Variants in ZFAND3 observed in about 807,000 individuals in gnomAD.
ZFAND3 encodes the protein zinc finger AN1-type containing 3, also known as AN1-type zinc finger protein 3.
In ZFAND3, 10 loss-of-function variants were observed where a neutral mutation model predicts 29.6. That is an observed-to-expected ratio of 0.34 (90% CI 0.21 to 0.57). The LOEUF is 0.57. Ranked by LOEUF, ZFAND3 falls within the 20% of genes least tolerant of loss-of-function variation. ZFAND3 has a pLI of 0.86. For missense variants in ZFAND3, 230 were observed against 304.5 expected, an observed-to-expected ratio of 0.76 and a Z score of 1.82; for synonymous variants, 128 against 112.6, an observed-to-expected ratio of 1.14 and a Z score of -0.87.
intron 4 of ZFAND3, among the ~76,000 whole-genome samples, chr6:38,111,831 G>A (rs1765323545): frequency 6.6e-6 from 1 of 152,026 alleles, no homozygotes; most frequent in Non-Finnish European, 1.5e-5. Context: ...AGGGGTCAGC[G>A]CCCCAAACCC....
At chr6:37,963,146 A>G (rs768205409) in intron 2 of ZFAND3, among the ~76,000 whole-genome samples, 1 of 152,224 alleles carries the variant, frequency 6.6e-6, no homozygotes, top group Non-Finnish European at 1.5e-5. Context: ...TCATTCTTTA[A>G]GTCAGCGAGA....
Position 38,098,058 on chromosome 6 carries a change from A to T in ZFAND3, c.361+15601A>T, listed in dbSNP as rs145102291. Among the ~76,000 whole-genome samples, 59 of 152,270 alleles carry T rather than the reference A, an allele frequency of 3.9e-4. No individual in the cohort carries two copies. The East Asian group carries it at 0.01, about 27-fold the overall frequency. ...CTTTTTTGTTGTATTGCTTTTTTCT[A>T]GCCTGGCCCCACCCCGCTTTTTGAG... is the stretch of plus-strand genomic sequence containing the variant. On this transcript the variant is annotated intron_variant, in intron 4 of 5. Transcript: ENST00000287218.
intron 4 of ZFAND3, among the ~76,000 whole-genome samples, chr6:38,103,492 CACGTGTAT>C (rs1765146085): frequency 1.3e-4 from 1 of 7,824 alleles, no homozygotes; most frequent in African/African-American, 4.9e-4. Context: ...CACATATATA[CACGTGTAT>C]ATATATACAC....
At chr6:38,148,383 G>A (rs527787813) in intron 5 of ZFAND3, among the ~76,000 whole-genome samples, 2 of 152,334 alleles carry the variant, frequency 1.3e-5, no homozygotes, top group African/African-American at 4.8e-5. Flanking sequence ...TAGTTCAGCA[G>A]GTCAGTTCTG....
intron 2 of ZFAND3, among the ~76,000 whole-genome samples, chr6:37,978,670 G>GT (rs1479172144): frequency 6.6e-6 from 1 of 152,140 alleles, no homozygotes; most frequent in Non-Finnish European, 1.5e-5. Context: ...CTTTTAGTGC[G>GT]TTTGTCCATT....
intron 1 of ZFAND3, among the ~76,000 whole-genome samples, chr6:37,863,498 C>G (rs951395883): frequency 6.6e-6 from 1 of 152,106 alleles, no homozygotes; most frequent in African/African-American, 2.4e-5. Context: ...CCTGACTCTT[C>G]AAATGACAAT....
intron 2 of ZFAND3, among the ~76,000 whole-genome samples, chr6:38,042,761 G>A (rs1482247699): frequency 2.0e-5 from 3 of 152,168 alleles, no homozygotes; most frequent in African/African-American, 7.2e-5. Flanking sequence ...CTGAATGGTT[G>A]AACTAGGTTT....
intron 2 of ZFAND3, among the ~76,000 whole-genome samples, chr6:37,951,459 G>A (rs1214245015): frequency 6.6e-6 from 1 of 152,258 alleles, no homozygotes; most frequent in Non-Finnish European, 1.5e-5. Context: ...GCCAGGCATA[G>A]TGGTGGGTGC....
chr6:38,031,509 G>C (rs997741172), intron 2 of ZFAND3, among the ~76,000 whole-genome samples: 2 of 152,102 alleles, frequency 1.3e-5, no homozygotes, highest in African/African-American at 4.8e-5. Flanking sequence ...ATACTTGCAA[G>C]CCTGTCTCAG....
At chr6:38,003,955 C>G (rs1175437504) in intron 2 of ZFAND3, among the ~76,000 whole-genome samples, 3 of 152,090 alleles carry the variant, frequency 2.0e-5, no homozygotes, top group Non-Finnish European at 4.4e-5. Flanking sequence ...TTCTTGATGA[C>G]TCTAATATTG....
At position 38,031,806 on chromosome 6, in the gene ZFAND3, C is replaced by A. The variant is rs940714288; in HGVS notation, c.113-29787C>A. ...CTCCTTTGTTATGCATATGTAGACT[C>A]CAACTTACAGTTTCATATTCTGCCC... On this transcript the variant is annotated intron_variant, in intron 2 of 5. Transcript: ENST00000287218. Among the ~76,000 whole-genome samples, 3 of 152,060 alleles carry A rather than the reference C, an allele frequency of 2.0e-5. No homozygotes were observed. In the East Asian group the frequency reaches 5.8e-4, roughly 29 times the overall value.
intron 1 of ZFAND3, among the ~76,000 whole-genome samples, chr6:37,839,773 A>C (rs767527609): frequency 9.4e-4 from 143 of 152,124 alleles, no homozygotes; most frequent in Admixed American, 1.6e-3. Flanking sequence ...TCCGCCTCCC[A>C]AAGTGCTGGG....
At chr6:37,843,317 C>T (rs1278903007) in intron 1 of ZFAND3, among the ~76,000 whole-genome samples, 3 of 151,486 alleles carry the variant, frequency 2.0e-5, no homozygotes, top group African/African-American at 7.3e-5. Context: ...AACCCCATCT[C>T]TACTAAAAAA....
At chr6:37,983,980 T>C (rs1241184023) in intron 2 of ZFAND3, among the ~76,000 whole-genome samples, 1 of 151,926 alleles carries the variant, frequency 6.6e-6, no homozygotes. Flanking sequence ...AGGATAATTA[T>C]TTATTTCATG....
At chr6:38,003,617 G>C (rs1362401729) in intron 2 of ZFAND3, 1 of 269,372 alleles carries the variant, frequency 3.7e-6, no homozygotes, top group Non-Finnish European at 7.3e-6. Context: ...TCCCACTTCA[G>C]CCTCCCAAGT....
chr6:37,944,290 T>G (rs1761862763), intron 2 of ZFAND3, among the ~76,000 whole-genome samples: 1 of 152,228 alleles, frequency 6.6e-6, no homozygotes, highest in Non-Finnish European at 1.5e-5. Flanking sequence ...CATTAGTACC[T>G]TAAAGAAATT....
chr6:38,144,192 TATATATATATATATATATAATATATAA>T (rs1766031607), intron 5 of ZFAND3, among the ~76,000 whole-genome samples: 2 of 40,816 alleles, frequency 4.9e-5, no homozygotes, highest in East Asian at 6.7e-4. Context: ...ATAATATATA[TATATATATATATATATATAATATATAA>T]TATATATATA....
intron 5 of ZFAND3, among the ~76,000 whole-genome samples, chr6:38,129,962 G>A (rs1249651661): frequency 6.6e-6 from 1 of 151,988 alleles, no homozygotes; most frequent in African/African-American, 2.4e-5. Flanking sequence ...CATGGGATGT[G>A]TTTCCATTTG....
chr6:37,837,246 C>T (rs1561905833), intron 1 of ZFAND3, among the ~76,000 whole-genome samples: 1 of 152,116 alleles, frequency 6.6e-6, no homozygotes, highest in African/African-American at 2.4e-5. Flanking sequence ...TTATTCATGA[C>T]ATGTGCTGTA....
Sources: allele counts gnomAD v4.1 joint callset (sites outside exome capture counted in the v4.1 genomes callset), GRCh38; gene constraint gnomAD v4.1.1; transcripts MANE v1.5; gene names NCBI Gene and HGNC (gene_info 2026-07-23, HGNC 2026-07-21).